The following NBAS variants were observed in gnomAD, a reference collection of about 807,000 sequenced individuals.
The protein encoded by NBAS is NAG/BC035112 fusion.
A neutral mutation model predicts 302.5 loss-of-function variants in NBAS; 219 were observed. That is an observed-to-expected ratio of 0.72 (90% CI 0.65 to 0.81). The LOEUF (loss-of-function observed/expected upper bound fraction) is 0.81, where lower values mean the gene tolerates loss of function less well. NBAS is among the 30% of genes least tolerant of loss of function. NBAS has a pLI of 0.00. For missense variants in NBAS, 2,932 were observed against 2,841.6 expected, an observed-to-expected ratio of 1.03 and a Z score of -0.72; for synonymous variants, 1,118 against 1,021.6, an observed-to-expected ratio of 1.09 and a Z score of -1.80.
At chr2:14,977,937 T>C in the NBAS span, among the ~76,000 whole-genome samples, 1 of 152,192 alleles carries the variant, frequency 6.6e-6, no homozygotes, top group African/African-American at 2.4e-5. Context: ...GAAGAGAACT[T>C]GGTGCAAATG....
intron 48 of NBAS, among the ~76,000 whole-genome samples, chr2:15,200,494 C>CTT: frequency 6.6e-6 from 1 of 152,144 alleles, no homozygotes; most frequent in South Asian, 2.1e-4. Context: ...TTTAACATCC[C>CTT]CACCCCTTCC....
intron 24 of NBAS, 96 bp downstream of exon 24, chr2:15,417,431 T>C (rs1031661204): frequency 9.5e-7 from 1 of 1,056,634 alleles, no homozygotes; most frequent in Non-Finnish European, 1.4e-6. Context: ...TTCTCAGGTC[T>C]GTAGAACATT....
At chr2:14,793,781 A>T in the NBAS span, among the ~76,000 whole-genome samples, 5 of 152,328 alleles carry the variant, frequency 3.3e-5, no homozygotes, top group East Asian at 1.9e-4. Flanking sequence ...AAACTTTTGA[A>T]AACTAAAGTC....
chr2:15,529,151 C>T (rs1335513019), intron 9 of NBAS, among the ~76,000 whole-genome samples: 3 of 151,670 alleles, frequency 2.0e-5, no homozygotes, highest in Non-Finnish European at 4.4e-5. Flanking sequence ...GAAACATATT[C>T]GAAAAGTATA....
chr2:15,000,242 C>T, the NBAS span, among the ~76,000 whole-genome samples: 8 of 152,238 alleles, frequency 5.3e-5, no homozygotes, highest in African/African-American at 1.7e-4. Context: ...GGATAACTGC[C>T]CTGTATCTGA....
At chr2:14,794,779 C>T in the NBAS span, among the ~76,000 whole-genome samples, 2 of 152,122 alleles carry the variant, frequency 1.3e-5, no homozygotes, top group African/African-American at 4.8e-5. Flanking sequence ...TCCCCATTCC[C>T]AGTCAAAAAT....
the NBAS span, among the ~76,000 whole-genome samples, chr2:14,823,504 G>T: frequency 6.6e-6 from 1 of 152,160 alleles, no homozygotes; most frequent in Non-Finnish European, 1.5e-5. Context: ...TTTTTATGAA[G>T]ATCACATAGC....
the NBAS span, among the ~76,000 whole-genome samples, chr2:14,924,708 T>C: frequency 0.087 from 13,248 of 152,232 alleles, 652 homozygotes; most frequent in African/African-American, 0.11. Flanking sequence ...CAAAGACATA[T>C]TAACTCCAGT....
intron 35 of NBAS, among the ~76,000 whole-genome samples, chr2:15,335,583 G>C (rs1249776325): frequency 1.3e-5 from 2 of 152,180 alleles, no homozygotes; most frequent in Non-Finnish European, 2.9e-5. Flanking sequence ...CAGGACTAAT[G>C]AAGTTGGACA....
At chr2:15,492,424 A>G (rs1329878418) in intron 11 of NBAS, among the ~76,000 whole-genome samples, 1 of 152,188 alleles carries the variant, frequency 6.6e-6, no homozygotes, top group Non-Finnish European at 1.5e-5. Flanking sequence ...TCCTTCTGAA[A>G]TAAAACTCTG....
At chr2:15,222,838 T>C (rs1203640133) in intron 47 of NBAS, among the ~76,000 whole-genome samples, 1 of 152,218 alleles carries the variant, frequency 6.6e-6, no homozygotes, top group Non-Finnish European at 1.5e-5. Context: ...TCAGCTATGA[T>C]GAGATATAGA....
At chr2:15,167,446 C>T (rs896559319) in intron 51 of NBAS, 123 bp from the exon 52 acceptor site, 55 of 1,257,284 alleles carry the variant, frequency 4.4e-5, no homozygotes, top group Non-Finnish European at 4.3e-5. Context: ...GGTTTAAAAG[C>T]GTGTGTGGGT....
At chr2:15,086,888 C>G in the NBAS span, among the ~76,000 whole-genome samples, 1 of 152,158 alleles carries the variant, frequency 6.6e-6, no homozygotes, top group Non-Finnish European at 1.5e-5. Context: ...AATCAGTAGA[C>G]AGGGTAAAGT....
At chr2:15,324,907 T>C (rs1056666678) in intron 38 of NBAS, among the ~76,000 whole-genome samples, 4 of 152,210 alleles carry the variant, frequency 2.6e-5, no homozygotes, top group Non-Finnish European at 5.9e-5. Context: ...ACAACAAAGA[T>C]GGCTGAGCAC....
At chr2:15,295,230 C>T (rs1041875796) in intron 40 of NBAS, among the ~76,000 whole-genome samples, 4 of 152,172 alleles carry the variant, frequency 2.6e-5, no homozygotes, top group Admixed American at 2.6e-4. Flanking sequence ...AGAAAAGCTC[C>T]AAAATATAAG....
At chr2:15,195,775 G>A (rs1033464416) in intron 48 of NBAS, among the ~76,000 whole-genome samples, 3 of 152,174 alleles carry the variant, frequency 2.0e-5, no homozygotes, top group East Asian at 1.9e-4. Context: ...TGTACACTAA[G>A]AGGCAAAATG....
chr2:15,421,700 C>T (rs1260006868), intron 23 of NBAS, among the ~76,000 whole-genome samples: 6 of 151,774 alleles, frequency 4.0e-5, no homozygotes, highest in Non-Finnish European at 7.4e-5. Flanking sequence ...CCTCCAAAAT[C>T]AACTTACTTT....
chr2:14,883,734 A>G, the NBAS span, among the ~76,000 whole-genome samples: 152 of 152,082 alleles, frequency 1.0e-3, no homozygotes, highest in Non-Finnish European at 5.9e-4. Context: ...ACTTTGGGGG[A>G]CCAAGGCAGG....
rs1179435302 is a variant in NBAS at position 15,463,756 on chromosome 2, C to G, written c.2098-1965G>C. On this transcript the variant is annotated intron_variant, in intron 19 of 51. Transcript: ENST00000281513. ...CCATTTTAATTTCAAAACCTCAACA[C>G]TGCTTGAATCCTCATTCAAATGAAC... Among the ~76,000 whole-genome samples the G allele has an allele frequency of 7.1e-5, 9 of 126,632 alleles. No individual in the cohort carries two copies. The Admixed American group carries it at 7.9e-4, about 11-fold the overall frequency. The allele number at this position is 126,632 out of a possible 152,430, so 83.1% of individuals were successfully genotyped here. A position where few individuals can be genotyped will look rare whatever the true frequency, so the allele number is the denominator to read the frequency against.
Sources: gnomAD v4.1 joint callset for allele counts (sites outside exome capture counted in the v4.1 genomes callset) on GRCh38, gnomAD v4.1.1 for gene constraint, MANE v1.5 for transcripts, NCBI Gene and HGNC (gene_info 2026-07-23, HGNC 2026-07-21) for gene names.